STK11IP: variants seen among roughly 807,000 people sequenced by gnomAD.
STK11IP encodes the protein serine/threonine-protein kinase 11-interacting protein.
Under a neutral mutation model 131.7 loss-of-function variants are expected in STK11IP, and 103 were observed. That is an observed-to-expected ratio of 0.78 (90% CI 0.67 to 0.92). STK11IP has a LOEUF of 0.92. Among genes scored for constraint, STK11IP ranks in the 40% least tolerant of loss-of-function variants. STK11IP has a pLI of 0.00. For synonymous variants in STK11IP, 557 were observed against 575.6 expected, an observed-to-expected ratio of 0.97 and a Z score of 0.46; for missense variants, 1,315 against 1,385.7, an observed-to-expected ratio of 0.95 and a Z score of 0.81.
intron 5 of STK11IP, 97 bp from the exon 6 acceptor site, chr2:219,602,371 G>A: frequency 1.1e-6 from 1 of 924,200 alleles, no homozygotes; most frequent in Non-Finnish European, 1.7e-6. Context: ...GGAGTTCAGT[G>A]TATAAAAAAT....
Position 219,609,164 on chromosome 2 carries a change from AGTTGC to A in STK11IP, c.1880_1884del (p.Leu627SerfsTer8). The stretch of plus-strand genomic sequence containing the variant: ...TTCTCCTACATCTGCCCTGACCGGC[AGTTGC>A]GTCGCTATTTGGTGCTGGAGCCTGA... On this transcript the variant is annotated frameshift_variant, in exon 16 of 25. Coordinates refer to ENST00000456909, the MANE Select transcript of STK11IP (RefSeq NM_052902.4). LOFTEE classifies it high-confidence loss of function. 6.2e-7 allele frequency: 1 copy of A among 1,610,514 alleles called. No homozygotes were observed. The highest frequency in any genetic ancestry group is 8.5e-7 in the Non-Finnish European group (1 of 1,178,570).
At chr2:219,615,875 G>C in intron 24 of STK11IP, 169 bp from the exon 25 acceptor site, 1 of 918,796 alleles carries the variant, frequency 1.1e-6, no homozygotes, top group Non-Finnish European at 1.7e-6. Flanking sequence ...GCTGGATTCT[G>C]TTTACAAAGC....
intron 20 of STK11IP, 53 bp from the exon 21 acceptor site, chr2:219,613,699 G>C: frequency 6.2e-7 from 1 of 1,606,984 alleles, no homozygotes; most frequent in Non-Finnish European, 8.5e-7. Context: ...GCCTCTCTGG[G>C]ACTCTCACTC....
chr2:219,613,078 A>T, intron 19 of STK11IP, 50 bp from the exon 20 acceptor site: 1 of 1,517,008 alleles, frequency 6.6e-7, no homozygotes, highest in South Asian at 1.2e-5. Context: ...GTCTGGCCCC[A>T]CCTCCCCAGG....
chr2:219,612,742 C>T (rs373410157), intron 19 of STK11IP, among the ~76,000 whole-genome samples: 139 of 152,246 alleles, frequency 9.1e-4, no homozygotes, highest in African/African-American at 3.2e-3. Flanking sequence ...TCTGGGGGGC[C>T]GGCAGGGGCC....
intron 21 of STK11IP, 71 bp downstream of exon 21, chr2:219,614,001 C>A (rs990993705): frequency 2.0e-6 from 3 of 1,506,496 alleles, no homozygotes; most frequent in Non-Finnish European, 1.8e-6. Flanking sequence ...AGGCTCCCCA[C>A]CTGGTACCCA....
chr2:219,608,547 C>G, intron 14 of STK11IP, 36 bp from the exon 15 acceptor site: 1 of 1,551,182 alleles, frequency 6.4e-7, no homozygotes, highest in African/African-American at 1.4e-5. Flanking sequence ...GGGTACTTTC[C>G]CTCCCTGCAG....
chr2:219,604,725 G>A (rs576440464), intron 7 of STK11IP, among the ~76,000 whole-genome samples: 50 of 152,264 alleles, frequency 3.3e-4, no homozygotes, highest in African/African-American at 1.1e-3. Flanking sequence ...GGATTTCTTC[G>A]TTTGTAGTTT....
chr2:219,598,326 T>G (rs941394571), intron 2 of STK11IP, 146 bp downstream of exon 2: 24 of 625,680 alleles, frequency 3.8e-5, no homozygotes, highest in Non-Finnish European at 6.1e-5. Flanking sequence ...TTCCCAGGTT[T>G]GTTCGCCCTT....
intron 12 of STK11IP, 60 bp downstream of exon 12, chr2:219,606,918 G>T (rs936626850): frequency 1.3e-6 from 2 of 1,586,412 alleles, no homozygotes; most frequent in Non-Finnish European, 1.7e-6. Flanking sequence ...GGGACTCTGG[G>T]CTACAGTGGG....
At chr2:219,598,453 TAA>T in intron 2 of STK11IP, 3 of 390,782 alleles carry the variant, frequency 7.7e-6, no homozygotes, top group Non-Finnish European at 1.4e-5. Flanking sequence ...ATTACCTGAC[TAA>T]AAGCCCCTCA....
chr2:219,599,278 G>A (rs1323237045), intron 2 of STK11IP, among the ~76,000 whole-genome samples: 1 of 152,032 alleles, frequency 6.6e-6, no homozygotes, highest in East Asian at 1.9e-4. Flanking sequence ...TAGTAGAGAC[G>A]GGGTTTCACC....
Position 219,608,446 on chromosome 2 carries a change from G to T in STK11IP, c.1603+16G>T, listed in dbSNP as rs1355976638. The T allele has an allele frequency of 6.5e-7, 1 of 1,537,788 alleles. No individual in the cohort carries two copies. The highest frequency in any genetic ancestry group is 2.3e-5 in the East Asian group (1 of 42,560). On this transcript the variant is annotated intron_variant, in intron 14 of 24. Coordinates refer to ENST00000456909, the MANE Select transcript of STK11IP (RefSeq NM_052902.4). ...GAAGTGGAAGGTGAGCCCTTTGTGG[G>T]CTGGGGCGAGCTGAGGCCAGGGGCC...
intron 15 of STK11IP, 149 bp from the exon 16 acceptor site, chr2:219,608,948 G>A: frequency 9.7e-7 from 1 of 1,032,932 alleles, no homozygotes; most frequent in Non-Finnish European, 1.4e-6. Flanking sequence ...CTGGGCTGAG[G>A]AGCAGGGATT....
intron 13 of STK11IP, among the ~76,000 whole-genome samples, 193 bp downstream of exon 13, chr2:219,607,330 CTT>C (rs1470056492): frequency 6.6e-6 from 1 of 152,088 alleles, no homozygotes; most frequent in Non-Finnish European, 1.5e-5. Flanking sequence ...ATTTTGAAAA[CTT>C]TTCGAGGAAC....
In STK11IP at chr2:219,609,205, G is replaced by A. The variant is rs2106159738; in HGVS notation, c.1918G>A (p.Ala640Thr). The change falls in exon 16 of 25, where the codon GCT (alanine) becomes ACT (threonine). Residue 640 changes from alanine (A) to threonine (T), a missense_variant. Physicochemically the swap from Ala to Thr is moderately conservative, Grantham distance 58. Coordinates refer to ENST00000456909, the MANE Select transcript of STK11IP (RefSeq NM_052902.4). Reference sequence around the variant, plus strand: ...GGTGCTGGAGCCTGATGCCCACGCAGCTGTCCAGGTGATGGCGCCCAGAGT... The same window carrying A: ...GGTGCTGGAGCCTGATGCCCACGCAACTGTCCAGGTGATGGCGCCCAGAGT... ...YLVLEPDAHA[A>T]VQELLAVLTP... The A allele has an allele frequency of 3.7e-6, 6 of 1,602,104 alleles. No homozygotes were observed. The highest frequency in any genetic ancestry group is 5.1e-6 in the Non-Finnish European group (6 of 1,174,464).
chr2:219,616,204 C>A lies in STK11IP; in HGVS notation c.*11C>A, dbSNP rs759030633. 1.3e-5 allele frequency: 21 copies of A among 1,611,092 alleles called. No individual in the cohort carries two copies. The highest frequency in any genetic ancestry group is 6.8e-6 in the Non-Finnish European group (8 of 1,178,752). On this transcript the variant is annotated 3_prime_UTR_variant, in exon 25 of 25. Coordinates refer to ENST00000456909, the MANE Select transcript of STK11IP (RefSeq NM_052902.4). ...GCCCTTGACCGATGAGGGTCCCACG[C>A]TGACCTTGGCCCTGACCTCAGGAGC...
rs866654375 is a variant in STK11IP, at chr2:219,613,844, G to A, written c.2630G>A (p.Arg877Gln). The part of the protein sequence containing the change: ...IELGLAGQSL[R>Q]LEWAAGAGRC... Reference sequence around the variant, plus strand: ...CTGGGCCTGGCAGGCCAGAGCCTGCGGCTAGAGTGGGCAGCTGGGGCGGGC... The same window carrying A: ...CTGGGCCTGGCAGGCCAGAGCCTGCAGCTAGAGTGGGCAGCTGGGGCGGGC... The change falls in exon 21 of 25, where the codon CGG becomes CAG. Residue 877 changes from arginine (R) to glutamine (Q), a missense_variant. By Grantham distance (43) the Arg-to-Gln change is conservative. Transcript: ENST00000456909. The A allele has an allele frequency of 9.3e-6, 15 of 1,612,098 alleles. No individual in the cohort carries two copies. Among genetic ancestry groups the A allele is most frequent in the Admixed American group, 1.7e-5 (1 of 59,966 alleles).
chr2:219,616,113 T>C lies in STK11IP; in HGVS notation c.3187T>C (p.Trp1063Arg). 6.2e-7 allele frequency: 1 copy of C among 1,613,870 alleles called. No homozygotes were observed. Among genetic ancestry groups the C allele is most frequent in the Non-Finnish European group, 8.5e-7 (1 of 1,179,888 alleles). Reference sequence around the variant, plus strand: ...GGAGCAGCTGACAGCCCTGCTTGCCTGGATCCGGGAACCATGGGAGGAGCT... The same window carrying C: ...GGAGCAGCTGACAGCCCTGCTTGCCCGGATCCGGGAACCATGGGAGGAGCT... ...CQEQLTALLA[W>R]IREPWEELFS... The change falls in exon 25 of 25, where the codon TGG (tryptophan) becomes CGG (arginine). Residue 1063 changes from tryptophan (W) to arginine (R), a missense_variant. Transcript: ENST00000456909.
Sources: gnomAD v4.1 joint callset for allele counts (sites outside exome capture counted in the v4.1 genomes callset) on GRCh38, gnomAD v4.1.1 for gene constraint, MANE v1.5 for transcripts, NCBI Gene and HGNC (gene_info 2026-07-23, HGNC 2026-07-21) for gene names.